The following COL28A1 variants were observed in gnomAD, a reference collection of about 807,000 sequenced individuals.
COL28A1 encodes the protein collagen type XXVIII alpha 1 chain, also known as collagen alpha-1(XXVIII) chain.
Under a neutral mutation model 150.2 loss-of-function variants are expected in COL28A1, and 161 were observed. The observed-to-expected ratio is 1.07, with a 90% CI of 0.94 to 1.22. COL28A1 has a LOEUF of 1.22. Among genes scored for constraint, COL28A1 ranks in the 50% most tolerant of loss-of-function variants. The probability of loss-of-function intolerance (pLI) is 0.00; values close to 1 mark genes in which losing one functional copy is unlikely to be tolerated. For synonymous variants in COL28A1, 552 were observed against 469.7 expected, an observed-to-expected ratio of 1.18 and a Z score of -2.26; for missense variants, 1,617 against 1,388.3, an observed-to-expected ratio of 1.16 and a Z score of -2.62.
intron 27 of COL28A1, among the ~76,000 whole-genome samples, chr7:7,409,393 T>C (rs150844836): frequency 3.3e-5 from 5 of 152,062 alleles, no homozygotes; most frequent in African/African-American, 1.2e-4. Context: ...TCTTTATATA[T>C]TAGACAGATA....
intron 27 of COL28A1, among the ~76,000 whole-genome samples, chr7:7,412,599 T>C (rs750066449): frequency 8.5e-5 from 13 of 152,134 alleles, no homozygotes; most frequent in Non-Finnish European, 1.5e-4. Flanking sequence ...ATGTATTACA[T>C]GCATTACACA....
intron 14 of COL28A1, among the ~76,000 whole-genome samples, chr7:7,475,854 G>C (rs1788826388): frequency 6.6e-6 from 1 of 152,116 alleles, no homozygotes; most frequent in Non-Finnish European, 1.5e-5. Context: ...ATTAGTCAAA[G>C]GTGTTAGTAA....
intron 32 of COL28A1, among the ~76,000 whole-genome samples, chr7:7,371,893 T>C (rs1781241945): frequency 6.6e-6 from 1 of 151,916 alleles, no homozygotes. Flanking sequence ...AGTGCAGTGG[T>C]ACAATCTCGG....
chr7:7,388,684 T>C (rs1468739023), intron 27 of COL28A1, among the ~76,000 whole-genome samples: 2 of 152,192 alleles, frequency 1.3e-5, no homozygotes, highest in African/African-American at 4.8e-5. Flanking sequence ...TTCTGACTTT[T>C]TAATGATCGC....
intron 7 of COL28A1, 96 bp from the exon 8 acceptor site, chr7:7,515,936 C>T (rs1781391893): frequency 4.2e-6 from 3 of 707,318 alleles, no homozygotes; most frequent in Non-Finnish European, 5.1e-6. Context: ...ATAACAAAAA[C>T]ACATCTATAC....
At chr7:7,502,974 G>C (rs1043030027) in intron 11 of COL28A1, among the ~76,000 whole-genome samples, 1 of 46,184 alleles carries the variant, frequency 2.2e-5, no homozygotes, top group Non-Finnish European at 3.5e-5. Context: ...TGGGATTACA[G>C]GCGTGATATT....
chr7:7,339,888 T>C, the COL28A1 span, among the ~76,000 whole-genome samples: 1 of 152,190 alleles, frequency 6.6e-6, no homozygotes, highest in Non-Finnish European at 1.5e-5. Context: ...TGATCAGGAC[T>C]AGAAATAACA....
At chr7:7,376,362 G>A (rs1232416103) in intron 30 of COL28A1, among the ~76,000 whole-genome samples, 2 of 152,222 alleles carry the variant, frequency 1.3e-5, no homozygotes, top group Non-Finnish European at 2.9e-5. Flanking sequence ...AATCGAGGTG[G>A]AGGTGATGTA....
At chr7:7,412,451 C>T (rs1783844896) in intron 27 of COL28A1, among the ~76,000 whole-genome samples, 1 of 152,074 alleles carries the variant, frequency 6.6e-6, no homozygotes. Context: ...ATATATTATG[C>T]TTAAGAGCAT....
At chr7:7,478,193 C>T (rs1451415902) in intron 13 of COL28A1, among the ~76,000 whole-genome samples, 1 of 152,132 alleles carries the variant, frequency 6.6e-6, no homozygotes, top group Non-Finnish European at 1.5e-5. Flanking sequence ...GAGCTAGACA[C>T]AGAGTGCTGA....
intron 9 of COL28A1, among the ~76,000 whole-genome samples, chr7:7,510,452 T>G (rs1781066571): frequency 6.6e-6 from 1 of 152,182 alleles, no homozygotes; most frequent in African/African-American, 2.4e-5. Flanking sequence ...GCCTGGCTAA[T>G]TTTTGTATTT....
At chr7:7,496,349 G>A (rs1191549613) in intron 11 of COL28A1, among the ~76,000 whole-genome samples, 2 of 152,192 alleles carry the variant, frequency 1.3e-5, no homozygotes, top group East Asian at 1.9e-4. Flanking sequence ...TGACTAGGGA[G>A]CAGGGGCTCT....
At chr7:7,368,264 C>G (rs981137981) in intron 33 of COL28A1, among the ~76,000 whole-genome samples, 4 of 152,082 alleles carry the variant, frequency 2.6e-5, no homozygotes, top group Non-Finnish European at 4.4e-5. Flanking sequence ...TATAATTAGT[C>G]CTTAAATTAC....
chr7:7,511,111 G>A lies in COL28A1; in HGVS notation c.907C>T (p.Pro303Ser), dbSNP rs376908218. ...CTTACCTTGTCACCTTTTATCCCTG[G>A]TTTACCACATTCCCCACGTTCACCC... ...DKGERGECGK[P>S]GIKGDKGSPG... is the part of the protein sequence containing the mutation. Residue 303 changes from proline to serine, a missense_variant, in exon 9 of 35, where the codon CCA becomes TCA. Coordinates refer to ENST00000399429, the MANE Select transcript of COL28A1 (RefSeq NM_001037763.3). The A allele has an allele frequency of 6.2e-7, 1 of 1,613,082 alleles. No individual in the cohort carries two copies. Among genetic ancestry groups the A allele is most frequent in the African/African-American group, 1.3e-5 (1 of 75,004 alleles).
At chr7:7,511,548 C>G (rs1781135797) in intron 8 of COL28A1, 1 of 296,686 alleles carries the variant, frequency 3.4e-6, no homozygotes, top group African/African-American at 2.3e-5. Context: ...TAATTTCCCT[C>G]TATCAAATAG....
chr7:7,493,595 G>A lies in COL28A1; in HGVS notation c.1027-2949C>T, dbSNP rs922623038. Among the ~76,000 whole-genome samples the A allele has an allele frequency of 3.3e-5, 5 of 152,100 alleles. 1 individual carries two copies. The highest frequency in any genetic ancestry group is 1.3e-4 in the Admixed American group (2 of 15,268). On this transcript the variant is annotated intron_variant, in intron 11 of 34. Coordinates refer to ENST00000399429, the MANE Select transcript of COL28A1 (RefSeq NM_001037763.3). ...TTTCACTTGCTTAAATTTATTTCTCGGGAGCCTGGTATCTCAAGGTAGGAT... is the reference window on the plus strand; with the variant it reads ...TTTCACTTGCTTAAATTTATTTCTCAGGAGCCTGGTATCTCAAGGTAGGAT...
chr7:7,518,311 C>CA (rs961500734), intron 6 of COL28A1, among the ~76,000 whole-genome samples: 27 of 151,514 alleles, frequency 1.8e-4, no homozygotes, highest in African/African-American at 5.8e-4. Context: ...GTATTTAACA[C>CA]AAAAAAAAGA....
chr7:7,407,689 A>AAT (rs1468477689), intron 27 of COL28A1, among the ~76,000 whole-genome samples: 1 of 152,132 alleles, frequency 6.6e-6, no homozygotes, highest in Non-Finnish European at 1.5e-5. Context: ...AATTCTAAAG[A>AAT]ATACAATGCA....
chr7:7,357,150 A>T (rs1237637453), downstream of COL28A1: 2 of 152,186 alleles, frequency 1.3e-5, no homozygotes, highest in Non-Finnish European at 2.9e-5. Flanking sequence ...CCCAGGGTCA[A>T]GCGATTCTCC....
Sources: allele counts gnomAD v4.1 joint callset (sites outside exome capture counted in the v4.1 genomes callset), GRCh38; gene constraint gnomAD v4.1.1; transcripts MANE v1.5; gene names NCBI Gene and HGNC (gene_info 2026-07-23, HGNC 2026-07-21).